EDIL3: variants seen among roughly 807,000 people sequenced by gnomAD.
EDIL3 encodes the protein EGF like and discoidin domains 3, also known as EGF-like repeat and discoidin I-like domain-containing protein 3.
In EDIL3, 37 loss-of-function variants were observed where a neutral mutation model predicts 67.4. The observed-to-expected ratio is 0.55, with a 90% CI of 0.42 to 0.72. The LOEUF (loss-of-function observed/expected upper bound fraction) is 0.72, where lower values mean the gene tolerates loss of function less well. Ranked by LOEUF, EDIL3 falls within the 30% of genes least tolerant of loss-of-function variation. EDIL3 has a pLI of 0.00. For missense variants in EDIL3, 527 were observed against 586.3 expected, an observed-to-expected ratio of 0.90 and a Z score of 1.04; for synonymous variants, 195 against 196.3, an observed-to-expected ratio of 0.99 and a Z score of 0.05.
intron 1 of EDIL3, among the ~76,000 whole-genome samples, chr5:84,354,596 G>A (rs1034548276): frequency 6.6e-6 from 1 of 150,396 alleles, no homozygotes; most frequent in Non-Finnish European, 1.5e-5. Flanking sequence ...GGAGGAGGTT[G>A]CATTGAGCTG....
intron 1 of EDIL3, among the ~76,000 whole-genome samples, chr5:84,301,897 T>C (rs533927546): frequency 6.6e-6 from 1 of 152,356 alleles, no homozygotes; most frequent in South Asian, 2.1e-4. Flanking sequence ...GTGATTTTTT[T>C]TCCTGACTAG....
intron 1 of EDIL3, among the ~76,000 whole-genome samples, chr5:84,347,734 A>C (rs1747264302): frequency 6.6e-6 from 1 of 152,212 alleles, no homozygotes; most frequent in Non-Finnish European, 1.5e-5. Flanking sequence ...ATTTTCCTTG[A>C]AGGTAGAGAG....
At chr5:84,150,819 G>C (rs766252187) in intron 4 of EDIL3, among the ~76,000 whole-genome samples, 1 of 152,126 alleles carries the variant, frequency 6.6e-6, no homozygotes, top group Non-Finnish European at 1.5e-5. Context: ...ACAAAGACTT[G>C]TATGGATGTT....
intron 1 of EDIL3, among the ~76,000 whole-genome samples, chr5:84,287,297 G>T (rs1269325318): frequency 6.6e-6 from 1 of 152,132 alleles, no homozygotes; most frequent in Non-Finnish European, 1.5e-5. Context: ...TAAGAAATGT[G>T]AAATTATTAT....
At position 83,963,292 on chromosome 5, in the gene EDIL3, T is replaced by C. The variant is rs747805136; in HGVS notation, c.1206A>G (p.Val402=). 2 of 1,610,508 alleles carry C rather than the reference T, an allele frequency of 1.2e-6. No homozygotes were observed. The highest frequency in any genetic ancestry group is 1.7e-6 in the Non-Finnish European group (2 of 1,177,784). Residue 402 remains valine (V), a synonymous_variant, in exon 10 of 11, where the codon GTA becomes GTG. Coordinates refer to ENST00000296591, the MANE Select transcript of EDIL3 (RefSeq NM_005711.5). Reference sequence around the variant, plus strand: ...CCAGTTTGTAGGAGCCAACAAACTGTACATGACCAAAATCTTTAGCTCCTT... The same window carrying C: ...CCAGTTTGTAGGAGCCAACAAACTGCACATGACCAAAATCTTTAGCTCCTT... ...ITQGAKDFGH[V]QFVGSYKLAY... is the part of the protein sequence containing the mutation.
chr5:83,941,318 AAATAT>A lies in EDIL3; in HGVS notation c.*2096_*2100del, dbSNP rs1744219711. ...TTCAATGCTTTTTCTAAAAGGTAAC[AAATAT>A]AATTTTAATCAACTTCCTTGGAAAA... is the stretch of plus-strand genomic sequence containing the variant. On this transcript the variant is annotated 3_prime_UTR_variant, in exon 11 of 11. Coordinates refer to ENST00000296591, the MANE Select transcript of EDIL3 (RefSeq NM_005711.5). 1 of 152,078 alleles carries A rather than the reference AAATAT, an allele frequency of 6.6e-6. No homozygotes were observed. Among genetic ancestry groups the A allele is most frequent in the African/African-American group, 2.4e-5 (1 of 41,462 alleles). The allele number at this position is 152,078 out of a possible 1,614,324, so 9.4% of individuals were successfully genotyped here.
chr5:83,970,256 T>TTTTATATATATATATATA (rs1486786326), intron 9 of EDIL3, among the ~76,000 whole-genome samples: 1 of 128,534 alleles, frequency 7.8e-6, no homozygotes, highest in African/African-American at 3.3e-5. Context: ...GTGTCACTAA[T>TTTTATATATATATATATA]TATATATATA....
At chr5:84,270,501 T>C (rs1428797374) in intron 1 of EDIL3, among the ~76,000 whole-genome samples, 11 of 152,226 alleles carry the variant, frequency 7.2e-5, no homozygotes, top group African/African-American at 2.4e-5. Flanking sequence ...TGTCAACTTA[T>C]AACACCTCTT....
At chr5:84,328,165 T>C (rs1030711085) in intron 1 of EDIL3, among the ~76,000 whole-genome samples, 5 of 152,030 alleles carry the variant, frequency 3.3e-5, no homozygotes, top group Non-Finnish European at 5.9e-5. Flanking sequence ...GAAACATAAA[T>C]AAACATGTCA....
At position 84,292,886 on chromosome 5, in the gene EDIL3, G is replaced by T. The variant is rs565128797; in HGVS notation, c.68-38674C>A. Reference sequence around the variant, plus strand: ...CTGGTAGGCAGGCACATCTGGGGCAGTCACAACAGGTAATTTATCTCCTAG... The same window carrying T: ...CTGGTAGGCAGGCACATCTGGGGCATTCACAACAGGTAATTTATCTCCTAG... On this transcript the variant is annotated intron_variant, in intron 1 of 10. Coordinates refer to ENST00000296591, the MANE Select transcript of EDIL3 (RefSeq NM_005711.5). Among the ~76,000 whole-genome samples, 242 of 152,284 alleles carry T rather than the reference G, an allele frequency of 1.6e-3. 1 individual carries two copies. The highest frequency in any genetic ancestry group is 2.5e-3 in the Non-Finnish European group (172 of 68,034).
chr5:84,384,489 A>C lies in EDIL3; in HGVS notation c.-115T>G. The C allele has an allele frequency of 1.0e-6, 1 of 974,630 alleles. No individual in the cohort carries two copies. Among genetic ancestry groups the C allele is most frequent in the African/African-American group, 1.7e-5 (1 of 60,544 alleles). 60.4% of individuals were successfully genotyped at this position (974,630 alleles called of 1,614,324 possible). On this transcript the variant is annotated 5_prime_UTR_variant, in exon 1 of 11. Transcript: ENST00000296591. ...TCCGCCCCTACTAAAGAATTCAAGA[A>C]GACGTTCTCTTTCCTCAGCGCTTTG...
chr5:84,067,970 A>G (rs1386136428), intron 6 of EDIL3, among the ~76,000 whole-genome samples: 1 of 152,218 alleles, frequency 6.6e-6, no homozygotes, highest in African/African-American at 2.4e-5. Context: ...ACATCACACA[A>G]CAACTATAAC....
rs114135846 is a variant in EDIL3 at position 84,240,747 on chromosome 5, A to G, written c.197-10863T>C. ...CAAAAAGGTTGGGGACCGCAGCTCTATGGAATACAGATCCACATTACCTTC... is the reference window on the plus strand; with the variant it reads ...CAAAAAGGTTGGGGACCGCAGCTCTGTGGAATACAGATCCACATTACCTTC... On this transcript the variant is annotated intron_variant, in intron 2 of 10. Transcript: ENST00000296591. Among the ~76,000 whole-genome samples the G allele has an allele frequency of 4.9e-3, 740 of 152,276 alleles. 2 individuals carry two copies. Among genetic ancestry groups the G allele is most frequent in the African/African-American group, 0.016 (666 of 41,558 alleles).
At chr5:84,069,082 T>C (rs2112243786) in intron 6 of EDIL3, among the ~76,000 whole-genome samples, 1 of 152,326 alleles carries the variant, frequency 6.6e-6, no homozygotes, top group South Asian at 2.1e-4. Context: ...AAAAGGTCTA[T>C]TGAGGATTGC....
chr5:84,279,029 C>A (rs142803889), intron 1 of EDIL3, among the ~76,000 whole-genome samples: 2 of 152,166 alleles, frequency 1.3e-5, no homozygotes, highest in East Asian at 1.9e-4. Context: ...AATTTCCTTT[C>A]CATTCTTAAA....
intron 1 of EDIL3, among the ~76,000 whole-genome samples, chr5:84,319,999 CAG>C (rs974479380): frequency 1.2e-4 from 18 of 151,884 alleles, no homozygotes; most frequent in African/African-American, 4.4e-4. Context: ...CAGGGCCTGT[CAG>C]GGGGTGGGTG....
intron 1 of EDIL3, among the ~76,000 whole-genome samples, chr5:84,270,768 C>T (rs1162858463): frequency 6.6e-6 from 1 of 152,148 alleles, no homozygotes; most frequent in Non-Finnish European, 1.5e-5. Context: ...TAAAAAGTAA[C>T]TTACAACTTT....
At chr5:84,072,320 T>C (rs1023851822) in intron 6 of EDIL3, among the ~76,000 whole-genome samples, 6 of 152,064 alleles carry the variant, frequency 3.9e-5, no homozygotes, top group Non-Finnish European at 7.4e-5. Context: ...ATTTGATTAG[T>C]AGCCATTAAA....
intron 9 of EDIL3, among the ~76,000 whole-genome samples, chr5:84,022,678 C>T (rs768422402): frequency 5.9e-5 from 9 of 151,856 alleles, no homozygotes; most frequent in Non-Finnish European, 8.8e-5. Context: ...CATGTTCTCA[C>T]TCATATATGG....
Sources: gnomAD v4.1 joint callset for allele counts (sites outside exome capture counted in the v4.1 genomes callset) on GRCh38, gnomAD v4.1.1 for gene constraint, MANE v1.5 for transcripts, NCBI Gene and HGNC (gene_info 2026-07-23, HGNC 2026-07-21) for gene names.